DLG2: variants seen among roughly 807,000 people sequenced by gnomAD.
The protein encoded by DLG2 is disks large homolog 2.
DLG2 carries 45 observed loss-of-function variants against 132.5 expected under a neutral mutation model. The ratio of observed to expected loss-of-function variants is 0.34; its 90% CI spans 0.27 to 0.44. The LOEUF (loss-of-function observed/expected upper bound fraction) is 0.44, where lower values mean the gene tolerates loss of function less well. Ranked by LOEUF, DLG2 falls within the 20% of genes least tolerant of loss-of-function variation. The probability of loss-of-function intolerance (pLI) is 1.00; values close to 1 mark genes in which losing one functional copy is unlikely to be tolerated. For synonymous variants in DLG2, 424 were observed against 419.6 expected (o/e 1.01, Z -0.13); for missense variants, 1,045 against 1,196.9 (o/e 0.87, Z 1.87).
chr11:85,251,519 A>G (rs1041318989), intron 4 of DLG2, among the ~76,000 whole-genome samples: 1 of 152,146 alleles, frequency 6.6e-6, no homozygotes, highest in African/African-American at 2.4e-5. Context: ...TTTTTTTCAA[A>G]TTTGATCATC....
At position 84,152,548 on chromosome 11, in the gene DLG2, G is replaced by A. The variant is rs368994943; in HGVS notation, c.624+10913C>T. Among the ~76,000 whole-genome samples the A allele has an allele frequency of 1.7e-4, 26 of 151,782 alleles. No homozygotes were observed. In the East Asian group the frequency reaches 4.1e-3, roughly 24 times the overall value. On this transcript the variant is annotated intron_variant, in intron 9 of 27. Transcript: ENST00000376104. ...ACTACAGGCGCCCACCACCATGCCC[G>A]GCTAATTTTTTGTATTTTTAGTAGA...
intron 5 of DLG2, among the ~76,000 whole-genome samples, chr11:85,151,352 G>C (rs549393837): frequency 6.7e-6 from 1 of 149,488 alleles, no homozygotes; most frequent in Non-Finnish European, 1.5e-5. Flanking sequence ...TTGATGTACA[G>C]AAGTCTTTAA....
intron 7 of DLG2, among the ~76,000 whole-genome samples, chr11:84,480,219 G>T (rs1265718558): frequency 6.6e-6 from 1 of 152,024 alleles, no homozygotes. Context: ...TCTTTAAGTT[G>T]TTTCCTTTAC....
At chr11:84,505,812 G>T (rs562799962) in intron 7 of DLG2, among the ~76,000 whole-genome samples, 20 of 152,172 alleles carry the variant, frequency 1.3e-4, no homozygotes, top group Middle Eastern at 6.8e-3. Flanking sequence ...ATATTTTCAA[G>T]ATTAGAATGA....
chr11:84,832,989 G>A (rs1385571085), intron 6 of DLG2, among the ~76,000 whole-genome samples: 1 of 151,472 alleles, frequency 6.6e-6, no homozygotes, highest in Non-Finnish European at 1.5e-5. Flanking sequence ...TGAGTTTAAA[G>A]CATATATTTT....
chr11:84,810,209 A>C (rs1347574823), intron 6 of DLG2, among the ~76,000 whole-genome samples: 1 of 152,130 alleles, frequency 6.6e-6, no homozygotes, highest in African/African-American at 2.4e-5. Flanking sequence ...TGTAAAGCAC[A>C]TATCCAAAAA....
intron 6 of DLG2, among the ~76,000 whole-genome samples, chr11:85,060,431 G>GTA (rs1490183142): frequency 8.0e-5 from 12 of 149,792 alleles, no homozygotes; most frequent in South Asian, 4.2e-4. Context: ...ATATATATGT[G>GTA]TATATATATA....
chr11:85,359,733 C>A (rs1247086070), intron 3 of DLG2, among the ~76,000 whole-genome samples: 1 of 151,804 alleles, frequency 6.6e-6, no homozygotes, highest in Non-Finnish European at 1.5e-5. Context: ...TAGGGGAGGG[C>A]GCAACAACGT....
chr11:84,320,824 A>G (rs2098400472), intron 7 of DLG2, among the ~76,000 whole-genome samples: 1 of 152,200 alleles, frequency 6.6e-6, no homozygotes, highest in Non-Finnish European at 1.5e-5. Flanking sequence ...TAACTAGCAT[A>G]GTTGGATTTG....
upstream of DLG2, among the ~76,000 whole-genome samples, chr11:85,628,263 C>G (rs1003512736): frequency 1.3e-5 from 2 of 152,190 alleles, no homozygotes; most frequent in African/African-American, 4.8e-5. Flanking sequence ...CCCAGCTGCC[C>G]TGAGGAGAGG....
At chr11:84,274,482 T>C (rs548022515) in intron 7 of DLG2, among the ~76,000 whole-genome samples, 1 of 152,210 alleles carries the variant, frequency 6.6e-6, no homozygotes, top group Non-Finnish European at 1.5e-5. Context: ...GGAAACAGTT[T>C]GATAACATAC....
chr11:84,903,375 T>G (rs2091129248), intron 6 of DLG2, among the ~76,000 whole-genome samples: 1 of 152,134 alleles, frequency 6.6e-6, no homozygotes, highest in African/African-American at 2.4e-5. Context: ...TCTTTAAGAG[T>G]TGAAAATTTC....
At chr11:84,338,989 A>G (rs2098501497) in intron 7 of DLG2, among the ~76,000 whole-genome samples, 1 of 152,216 alleles carries the variant, frequency 6.6e-6, no homozygotes, top group Admixed American at 6.5e-5. Context: ...AATAAATTAC[A>G]TTACAGTGAT....
intron 6 of DLG2, among the ~76,000 whole-genome samples, chr11:84,841,538 T>G (rs573113819): frequency 2.6e-5 from 4 of 152,116 alleles, no homozygotes; most frequent in African/African-American, 9.6e-5. Flanking sequence ...TCTGTTTTGT[T>G]TACCTATTTT....
chr11:84,904,523 C>T (rs948003022), intron 6 of DLG2, among the ~76,000 whole-genome samples: 5 of 152,194 alleles, frequency 3.3e-5, no homozygotes, highest in Admixed American at 2.0e-4. Flanking sequence ...TTCCTACTGT[C>T]ACACATTGCC....
intron 3 of DLG2, among the ~76,000 whole-genome samples, chr11:85,341,232 C>A (rs1205542921): frequency 6.6e-6 from 1 of 152,142 alleles, no homozygotes; most frequent in Non-Finnish European, 1.5e-5. Flanking sequence ...CATTCTCCTG[C>A]CTCAGCCTCC....
At chr11:85,072,243 TA>T (rs2065966499) in intron 6 of DLG2, among the ~76,000 whole-genome samples, 1 of 151,838 alleles carries the variant, frequency 6.6e-6, no homozygotes, top group South Asian at 2.1e-4. Context: ...CAGTCACTCG[TA>T]AATGTGGCTG....
At chr11:85,188,934 T>C (rs1414030355) in intron 4 of DLG2, among the ~76,000 whole-genome samples, 1 of 152,018 alleles carries the variant, frequency 6.6e-6, no homozygotes, top group Non-Finnish European at 1.5e-5. Context: ...ACAGTAAAAA[T>C]AAGCCCCAAG....
intron 19 of DLG2, among the ~76,000 whole-genome samples, chr11:83,624,919 T>G (rs2062234581): frequency 6.6e-6 from 1 of 152,200 alleles, no homozygotes; most frequent in African/African-American, 2.4e-5. Context: ...TGTTAAACTG[T>G]TTCAGGTACC....
Sources: gnomAD v4.1 joint callset for allele counts (sites outside exome capture counted in the v4.1 genomes callset) on GRCh38, gnomAD v4.1.1 for gene constraint, MANE v1.5 for transcripts, NCBI Gene and HGNC (gene_info 2026-07-23, HGNC 2026-07-21) for gene names.